Variants in SMCO4 observed in about 807,000 individuals in gnomAD.
SMCO4 encodes the protein single-pass membrane and coiled-coil domain-containing protein 4.
SMCO4 carries 4 observed loss-of-function variants against 3.6 expected under a neutral mutation model. The ratio of observed to expected loss-of-function variants is 1.11; its 90% CI spans 0.54 to 2.53. The LOEUF is 2.53. SMCO4 is among the 30% of genes most tolerant of loss of function. The pLI, the probability that SMCO4 is intolerant of heterozygous loss-of-function variation, is 0.02. For synonymous variants in SMCO4, 36 were observed against 35.3 expected (o/e 1.02, Z -0.07); for missense variants, 70 against 80.8 (o/e 0.87, Z 0.51).
intron 2 of SMCO4, among the ~76,000 whole-genome samples, chr11:93,486,122 C>T (rs1948647158): frequency 6.6e-6 from 1 of 152,204 alleles, no homozygotes; most frequent in African/African-American, 2.4e-5. Flanking sequence ...ATGCTCAATA[C>T]CTATCAAGCG....
At chr11:93,531,514 A>C (rs2263368) in intron 1 of SMCO4, among the ~76,000 whole-genome samples, 99,442 of 152,038 alleles carry the variant, frequency 0.65, 32,983 homozygotes, top group East Asian at 0.79. Context: ...ACCTTCATAA[A>C]CATGTGAGCC....
upstream of SMCO4, among the ~76,000 whole-genome samples, chr11:93,545,816 A>C (rs1189586992): frequency 6.6e-6 from 1 of 152,192 alleles, no homozygotes. Context: ...TGGGACATGA[A>C]CAAATATGAC....
At chr11:93,502,689 T>G (rs1948853571) in intron 1 of SMCO4, among the ~76,000 whole-genome samples, 1 of 152,174 alleles carries the variant, frequency 6.6e-6, no homozygotes, top group South Asian at 2.1e-4. Flanking sequence ...TTTCCAGAAC[T>G]CTACACTAAG....
chr11:93,520,865 AG>A (rs140567944), intron 1 of SMCO4, among the ~76,000 whole-genome samples: 5,763 of 152,284 alleles, frequency 0.038, 272 homozygotes, highest in East Asian at 0.14. Flanking sequence ...CGTATTTTCA[AG>A]GACTTCGTTC....
intron 1 of SMCO4, among the ~76,000 whole-genome samples, chr11:93,534,569 C>T (rs896145687): frequency 3.3e-5 from 5 of 152,128 alleles, no homozygotes; most frequent in Admixed American, 6.5e-5. Context: ...AGCTGAGGCC[C>T]AGGGAGATAA....
upstream of SMCO4, among the ~76,000 whole-genome samples, chr11:93,544,521 CTTAA>C (rs1160541020): frequency 6.6e-6 from 1 of 152,164 alleles, no homozygotes; most frequent in African/African-American, 2.4e-5. Flanking sequence ...TGGCCAATCT[CTTAA>C]TTAACAAGTT....
chr11:93,549,595 T>G, the SMCO4 span, among the ~76,000 whole-genome samples: 1 of 149,744 alleles, frequency 6.7e-6, no homozygotes, highest in Non-Finnish European at 1.5e-5. Flanking sequence ...ACCACAGGCA[T>G]GCACCACCAT....
the SMCO4 span, among the ~76,000 whole-genome samples, chr11:93,549,951 A>G: frequency 6.6e-6 from 1 of 151,650 alleles, no homozygotes; most frequent in Non-Finnish European, 1.5e-5. Context: ...AAATTAAGTA[A>G]GCATGCCCAT....
chr11:93,497,548 C>T (rs1039270077), intron 2 of SMCO4, among the ~76,000 whole-genome samples: 1 of 152,066 alleles, frequency 6.6e-6, no homozygotes, highest in African/African-American at 2.4e-5. Flanking sequence ...AGACTCTCAA[C>T]AGAAGGTCAA....
At chr11:93,487,323 C>T (rs1168804926) in intron 2 of SMCO4, among the ~76,000 whole-genome samples, 7 of 152,098 alleles carry the variant, frequency 4.6e-5, no homozygotes. Flanking sequence ...AAGCGTCTGC[C>T]CCAGGAACAT....
chr11:93,543,123 G>C (rs1949285455), intron 1 of SMCO4, among the ~76,000 whole-genome samples, 153 bp downstream of exon 1: 1 of 151,216 alleles, frequency 6.6e-6, no homozygotes, highest in South Asian at 2.1e-4. Flanking sequence ...CCAGGCCTGG[G>C]TCAGCAGCAC....
chr11:93,504,025 T>C (rs1242439713), intron 1 of SMCO4, among the ~76,000 whole-genome samples: 4 of 152,248 alleles, frequency 2.6e-5, no homozygotes, highest in Non-Finnish European at 5.9e-5. Context: ...AAAATGTTTA[T>C]AGTGATTATC....
chr11:93,520,058 A>G (rs2134619957), intron 1 of SMCO4, among the ~76,000 whole-genome samples: 1 of 152,352 alleles, frequency 6.6e-6, no homozygotes, highest in East Asian at 1.9e-4. Flanking sequence ...CCTTACTGGA[A>G]AAGGGGACTC....
chr11:93,484,637 C>T (rs1271725606), intron 2 of SMCO4, among the ~76,000 whole-genome samples: 1 of 151,640 alleles, frequency 6.6e-6, no homozygotes, highest in South Asian at 2.1e-4. Context: ...TGCTGTCCAG[C>T]GAGGTCTGTG....
chr11:93,532,129 C>T (rs778445376), intron 1 of SMCO4, among the ~76,000 whole-genome samples: 3 of 151,804 alleles, frequency 2.0e-5, no homozygotes, highest in South Asian at 4.2e-4. Context: ...TCAAAATAAA[C>T]TCCCTAAACT....
In SMCO4 at chr11:93,479,081, TG is replaced by T; in HGVS notation, c.108del (p.Thr37ArgfsTer8). The T allele has an allele frequency of 1.9e-6, 3 of 1,614,078 alleles. No homozygotes were observed. Among genetic ancestry groups the T allele is most frequent in the Non-Finnish European group, 2.5e-6 (3 of 1,180,028 alleles). ...ARQQITTVVL[P>X]TLAVVVLLIV... ...ATCAAGAGCACGACCACGGCCAGCGTGGGCAGCACCACTGTAGTGATCTGCT... is the reference window on the plus strand; with the variant it reads ...ATCAAGAGCACGACCACGGCCAGCGTGGCAGCACCACTGTAGTGATCTGCT... On this transcript the variant is annotated frameshift_variant, in exon 3 of 3. Coordinates refer to ENST00000298966, the MANE Select transcript of SMCO4 (RefSeq NM_020179.3). LOFTEE classifies it high-confidence loss of function.
At chr11:93,513,523 G>C (rs2134612043) in intron 1 of SMCO4, among the ~76,000 whole-genome samples, 1 of 152,348 alleles carries the variant, frequency 6.6e-6, no homozygotes, top group African/African-American at 2.4e-5. Context: ...GAGGGCAATA[G>C]AGGTGCCAGG....
the SMCO4 span, among the ~76,000 whole-genome samples, chr11:93,551,379 C>T: frequency 6.6e-6 from 1 of 152,140 alleles, no homozygotes; most frequent in Non-Finnish European, 1.5e-5. Flanking sequence ...CCCAAGGCTT[C>T]TCTATGTCTC....
chr11:93,503,582 A>T (rs1288370615), intron 1 of SMCO4, among the ~76,000 whole-genome samples: 1 of 152,242 alleles, frequency 6.6e-6, no homozygotes, highest in African/African-American at 2.4e-5. Context: ...ATTCTTGATT[A>T]TCTGGATTGG....
Sources: gnomAD v4.1 joint callset for allele counts (sites outside exome capture counted in the v4.1 genomes callset) on GRCh38, gnomAD v4.1.1 for gene constraint, MANE v1.5 for transcripts, NCBI Gene and HGNC (gene_info 2026-07-23, HGNC 2026-07-21) for gene names.